Variants in DRC9 observed in about 807,000 individuals in gnomAD.
DRC9 encodes dynein regulatory complex protein 9.
the DRC9 span, among the ~76,000 whole-genome samples, chr3:197,915,576 C>T: frequency 1.3e-5 from 2 of 152,178 alleles, no homozygotes; most frequent in African/African-American, 4.8e-5. Flanking sequence ...CGACTAGCAA[C>T]AAAAGTGCTT....
the DRC9 span, chr3:197,953,369 G>A: frequency 1.6e-5 from 7 of 450,428 alleles, no homozygotes; most frequent in Non-Finnish European, 2.2e-5. Context: ...AGACAACCCC[G>A]TGGTCTTTAA....
the DRC9 span, chr3:197,959,058 T>C: frequency 8.5e-5 from 13 of 152,192 alleles, no homozygotes; most frequent in Non-Finnish European, 1.8e-4. Context: ...AACATAAAAA[T>C]TGGCCGGGCG....
the DRC9 span, among the ~76,000 whole-genome samples, chr3:197,940,154 C>T: frequency 5.9e-5 from 9 of 151,934 alleles, no homozygotes; most frequent in Non-Finnish European, 1.0e-4. Flanking sequence ...CCATCATGCC[C>T]GGCTAATTTT....
the DRC9 span, chr3:197,945,563 A>C: frequency 8.4e-7 from 1 of 1,191,226 alleles, no homozygotes; most frequent in Non-Finnish European, 1.2e-6. Context: ...ACAGAAATTT[A>C]ACAGAAGGCA....
At chr3:197,938,955 C>G in the DRC9 span, 2 of 600,638 alleles carry the variant, frequency 3.3e-6, no homozygotes, top group Non-Finnish European at 5.9e-6. Flanking sequence ...GCTAACTTCA[C>G]ACAACATTCT....
chr3:197,935,658 A>AT, the DRC9 span, among the ~76,000 whole-genome samples: 1 of 151,110 alleles, frequency 6.6e-6, no homozygotes, highest in Non-Finnish European at 1.5e-5. Flanking sequence ...AATTTTTTTC[A>AT]TTTTTGTGGA....
chr3:197,938,727 G>C, the DRC9 span: 1 of 1,613,958 alleles, frequency 6.2e-7, no homozygotes, highest in Non-Finnish European at 8.5e-7. Context: ...TGATTGTTGA[G>C]GCCATTGGAA....
the DRC9 span, among the ~76,000 whole-genome samples, chr3:197,940,075 C>T: frequency 6.6e-6 from 1 of 152,084 alleles, no homozygotes; most frequent in Non-Finnish European, 1.5e-5. Context: ...CTCACTGCAA[C>T]CTCTGCCTCC....
chr3:197,950,188 T>G, the DRC9 span: 1 of 1,231,766 alleles, frequency 8.1e-7, no homozygotes, highest in Non-Finnish European at 1.0e-6. Flanking sequence ...CGGGGCCTCG[T>G]CCTTCTCTTA....
chr3:197,952,405 T>G, the DRC9 span: 1 of 152,232 alleles, frequency 6.6e-6, no homozygotes, highest in East Asian at 1.9e-4. Context: ...CCTGAACTTG[T>G]GATCCACCCA....
the DRC9 span, chr3:197,950,124 A>T: frequency 7.2e-5 from 89 of 1,231,622 alleles, no homozygotes; most frequent in Admixed American, 2.1e-4. Flanking sequence ...TTTGGAGAAG[A>T]TGCCTAAATT....
the DRC9 span, among the ~76,000 whole-genome samples, chr3:197,941,190 T>C: frequency 7.8e-6 from 1 of 128,810 alleles, no homozygotes; most frequent in Non-Finnish European, 1.6e-5. Context: ...CTCCCCTCTC[T>C]CCTCTGTCTC....
the DRC9 span, among the ~76,000 whole-genome samples, chr3:197,940,846 T>C: frequency 6.6e-6 from 1 of 152,186 alleles, no homozygotes; most frequent in Non-Finnish European, 1.5e-5. Flanking sequence ...TAATTATACA[T>C]ATTATATATT....
At chr3:197,936,496 C>G in the DRC9 span, among the ~76,000 whole-genome samples, 1 of 152,124 alleles carries the variant, frequency 6.6e-6, no homozygotes, top group Non-Finnish European at 1.5e-5. Context: ...TCCAGAGTAG[C>G]TGGGACCACA....
chr3:197,951,632 C>T, the DRC9 span: 1 of 356,664 alleles, frequency 2.8e-6, no homozygotes, highest in Non-Finnish European at 5.3e-6. Flanking sequence ...AGATTACAGG[C>T]TTGAGCCACC....
chr3:197,893,071 TAGG>T, the DRC9 span, among the ~76,000 whole-genome samples: 7 of 152,110 alleles, frequency 4.6e-5, no homozygotes, highest in African/African-American at 1.7e-4. Flanking sequence ...AATTTTAAAA[TAGG>T]GGGCCAGGCG....
chr3:197,908,755 T>A, the DRC9 span, among the ~76,000 whole-genome samples: 1 of 144,474 alleles, frequency 6.9e-6, no homozygotes, highest in Non-Finnish European at 1.5e-5. Flanking sequence ...TCCTCCCAGA[T>A]GAAGTCATCA....
the DRC9 span, among the ~76,000 whole-genome samples, chr3:197,941,542 T>C: frequency 1.5e-4 from 11 of 75,532 alleles, no homozygotes; most frequent in African/African-American, 2.3e-4. Context: ...TCTTTCTTTC[T>C]TTCCCTCCCT....
the DRC9 span, among the ~76,000 whole-genome samples, chr3:197,946,514 C>T: frequency 6.6e-6 from 1 of 151,852 alleles, no homozygotes. Context: ...GTTACCCCTC[C>T]TCAGTAAACC....
Sources: gnomAD v4.1 joint callset for allele counts (sites outside exome capture counted in the v4.1 genomes callset) on GRCh38, gnomAD v4.1.1 for gene constraint, MANE v1.5 for transcripts, NCBI Gene and HGNC (gene_info 2026-07-23, HGNC 2026-07-21) for gene names.